The following MEIKIN variants were observed in gnomAD, a reference collection of about 807,000 sequenced individuals.
MEIKIN encodes the protein meiotic kinetochore factor.
At chr5:131,926,168 C>T (rs1189486508) in intron 5 of MEIKIN, among the ~76,000 whole-genome samples, 1 of 152,116 alleles carries the variant, frequency 6.6e-6, no homozygotes, top group African/African-American at 2.4e-5. Flanking sequence ...ATGATGTTAG[C>T]TATGGGCTTC....
In MEIKIN at chr5:131,894,405, C is replaced by A. The variant is rs1339540298; in HGVS notation, c.704-15357G>T. On this transcript the variant is annotated intron_variant, in intron 8 of 12. Coordinates refer to ENST00000442687, the MANE Select transcript of MEIKIN (RefSeq NM_001303622.2). ...AGGCTCTTTTTTGGTTCCATATGAA[C>A]TTGAAAGTAGTTTTTTCCAATTCTG... Among the ~76,000 whole-genome samples, 3 of 152,142 alleles carry A rather than the reference C, an allele frequency of 2.0e-5. 1 individual carries two copies. The highest frequency in any genetic ancestry group is 4.4e-5 in the Non-Finnish European group (3 of 68,028).
At chr5:131,885,167 T>C (rs554191987) in intron 8 of MEIKIN, among the ~76,000 whole-genome samples, 7 of 152,218 alleles carry the variant, frequency 4.6e-5, no homozygotes, top group African/African-American at 1.7e-4. Flanking sequence ...TGCAGAGCCT[T>C]AGGGCCTTGA....
chr5:131,841,633 C>G (rs1319035021), intron 11 of MEIKIN, among the ~76,000 whole-genome samples: 1 of 152,154 alleles, frequency 6.6e-6, no homozygotes, highest in African/African-American at 2.4e-5. Context: ...TGAAAAATTA[C>G]ATGGGAATCT....
chr5:131,926,428 T>A (rs111698079), intron 5 of MEIKIN, among the ~76,000 whole-genome samples: 3,902 of 152,238 alleles, frequency 0.026, 64 homozygotes, highest in Non-Finnish European at 0.04. Flanking sequence ...TAGAGATGAA[T>A]TTCAATTGCT....
At chr5:131,880,023 A>G in intron 8 of MEIKIN, among the ~76,000 whole-genome samples, 1 of 150,892 alleles carries the variant, frequency 6.6e-6, no homozygotes. Flanking sequence ...GGGTTCAAGC[A>G]ATTCTCCTGC....
intron 9 of MEIKIN, among the ~76,000 whole-genome samples, chr5:131,856,144 G>C (rs535641866): frequency 6.6e-6 from 1 of 152,150 alleles, no homozygotes; most frequent in Non-Finnish European, 1.5e-5. Context: ...ACAATAAAAT[G>C]AACACATCAG....
At chr5:131,942,848 G>A (rs1381596695) in intron 3 of MEIKIN, among the ~76,000 whole-genome samples, 153 bp from the exon 4 acceptor site, 1 of 151,988 alleles carries the variant, frequency 6.6e-6, no homozygotes, top group African/African-American at 2.4e-5. Context: ...TTGTTCAGAT[G>A]TAATCTGATA....
chr5:131,919,420 T>C (rs1305340581), intron 6 of MEIKIN, among the ~76,000 whole-genome samples: 2 of 152,198 alleles, frequency 1.3e-5, no homozygotes, highest in East Asian at 1.9e-4. Context: ...AAAATATATA[T>C]CATAGGTTTA....
chr5:131,878,188 C>A (rs1300496458), intron 9 of MEIKIN, among the ~76,000 whole-genome samples: 9 of 151,684 alleles, frequency 5.9e-5, no homozygotes, highest in African/African-American at 2.2e-4. Flanking sequence ...AGCTGCATAG[C>A]TTTTCCATAA....
intron 11 of MEIKIN, among the ~76,000 whole-genome samples, chr5:131,848,024 A>AG (rs1388355161): frequency 3.3e-5 from 5 of 152,184 alleles, no homozygotes; most frequent in African/African-American, 1.2e-4. Flanking sequence ...GATTTAGTGA[A>AG]AGCAGTGCTT....
chr5:131,873,349 C>T (rs893511082), intron 9 of MEIKIN, among the ~76,000 whole-genome samples: 1 of 152,134 alleles, frequency 6.6e-6, no homozygotes, highest in Non-Finnish European at 1.5e-5. Context: ...GGTTGTAATC[C>T]TAGTCTCTGA....
chr5:131,872,077 A>G (rs1344290069), intron 9 of MEIKIN, among the ~76,000 whole-genome samples: 2 of 152,200 alleles, frequency 1.3e-5, no homozygotes, highest in Non-Finnish European at 2.9e-5. Context: ...TGGAAACTCT[A>G]AAAATCAGAG....
chr5:131,819,483 G>A (rs1373316813), intron 11 of MEIKIN, among the ~76,000 whole-genome samples: 1 of 148,906 alleles, frequency 6.7e-6, no homozygotes, highest in Non-Finnish European at 1.5e-5. Context: ...GGGAAAGGAC[G>A]GAAAGCAATG....
rs183062795 is a variant in MEIKIN at position 131,817,161 on chromosome 5, C to T, written c.1099+1579G>A. Among the ~76,000 whole-genome samples the T allele has an allele frequency of 2.4e-4, 36 of 152,246 alleles. No individual in the cohort carries two copies. In the East Asian group the frequency reaches 6.2e-3, roughly 26 times the overall value. ...ACCTTAGAACTCCAGGTTCCTTAGCCTATGGATTCTGGGAGTTGCATAAAC... is the reference window on the plus strand; with the variant it reads ...ACCTTAGAACTCCAGGTTCCTTAGCTTATGGATTCTGGGAGTTGCATAAAC... On this transcript the variant is annotated intron_variant, in intron 12 of 12. Coordinates refer to ENST00000442687, the MANE Select transcript of MEIKIN (RefSeq NM_001303622.2).
At chr5:131,881,166 A>T (rs1224174934) in intron 8 of MEIKIN, among the ~76,000 whole-genome samples, 4 of 152,246 alleles carry the variant, frequency 2.6e-5, no homozygotes, top group African/African-American at 9.6e-5. Flanking sequence ...GATAACCTTC[A>T]GGTTTCTGGT....
intron 9 of MEIKIN, among the ~76,000 whole-genome samples, chr5:131,865,687 C>T (rs1750371520): frequency 6.6e-6 from 1 of 152,152 alleles, no homozygotes; most frequent in Non-Finnish European, 1.5e-5. Flanking sequence ...ATCAGGGGCA[C>T]ATTTTTCTGA....
chr5:131,819,933 G>T (rs1191385282), intron 11 of MEIKIN, among the ~76,000 whole-genome samples: 1 of 147,702 alleles, frequency 6.8e-6, no homozygotes, highest in African/African-American at 2.5e-5. Flanking sequence ...CCGCCACTAC[G>T]CCCGGCTAAT....
chr5:131,890,788 A>C (rs1750897980), intron 8 of MEIKIN, among the ~76,000 whole-genome samples: 1 of 151,932 alleles, frequency 6.6e-6, no homozygotes, highest in Non-Finnish European at 1.5e-5. Flanking sequence ...TTGCCTCTCT[A>C]GTTCTTTTAA....
intron 11 of MEIKIN, among the ~76,000 whole-genome samples, chr5:131,835,442 C>T (rs1749789157): frequency 6.6e-6 from 1 of 152,092 alleles, no homozygotes; most frequent in Admixed American, 6.5e-5. Context: ...ACTGCTAAGA[C>T]CAGTATCAAG....
Sources: gnomAD v4.1 joint callset for allele counts (sites outside exome capture counted in the v4.1 genomes callset) on GRCh38, gnomAD v4.1.1 for gene constraint, MANE v1.5 for transcripts, NCBI Gene and HGNC (gene_info 2026-07-23, HGNC 2026-07-21) for gene names.